The following PCDHGA4 variants were observed in gnomAD, a reference collection of about 807,000 sequenced individuals.
The protein encoded by PCDHGA4 is protocadherin gamma subfamily A, 4, also known as protocadherin gamma-A4.
In PCDHGA4, 38 loss-of-function variants were observed where a neutral mutation model predicts 54.6. The observed-to-expected ratio is 0.70, with a 90% confidence interval of 0.54 to 0.91. PCDHGA4 has a LOEUF of 0.91. PCDHGA4 is among the 40% of genes least tolerant of loss of function. PCDHGA4 has a pLI of 0.00. For synonymous variants in PCDHGA4, 511 were observed against 512.9 expected (o/e 1.00, Z 0.05); for missense variants, 1,298 against 1,220.9 (o/e 1.06, Z -0.94).
chr5:141,402,357 G>C (rs1486286220), intron 1 of PCDHGA4, among the ~76,000 whole-genome samples: 1 of 151,812 alleles, frequency 6.6e-6, no homozygotes, highest in Non-Finnish European at 1.5e-5. Flanking sequence ...AAAAATGAAT[G>C]TACTTCCAAA....
Position 141,432,911 on chromosome 5 carries a change from C to G in PCDHGA4, c.2515-61896C>G. 5 of 1,614,176 alleles carry G rather than the reference C, an allele frequency of 3.1e-6. No homozygotes were observed. Among genetic ancestry groups the G allele is most frequent in the Non-Finnish European group, 4.2e-6 (5 of 1,180,014 alleles). Reference sequence around the variant, plus strand: ...CTTGCTGCTGGCGCTCAGGCTGCGGCGCTGGCACAAGTCACGCCTGCTGCA... The same window carrying G: ...CTTGCTGCTGGCGCTCAGGCTGCGGGGCTGGCACAAGTCACGCCTGCTGCA... On this transcript the variant is annotated intron_variant, in intron 1 of 3. Transcript: ENST00000571252. This position sits in a 1 kb window ranked among gnomAD's most constrained non-coding sequence, Gnocchi z 6.0.
intron 1 of PCDHGA4, among the ~76,000 whole-genome samples, chr5:141,459,307 A>G (rs1175102009): frequency 6.6e-6 from 1 of 152,198 alleles, no homozygotes; most frequent in Non-Finnish European, 1.5e-5. Context: ...AACATATACT[A>G]TTTTGTATCC....
At chr5:141,418,343 A>G in intron 1 of PCDHGA4, 1 of 1,614,010 alleles carries the variant, frequency 6.2e-7, no homozygotes, top group Non-Finnish European at 8.5e-7. Flanking sequence ...AGATCCTGAT[A>G]TTAGTATGAA....
At chr5:141,498,137 G>T (rs1319960274) in intron 2 of PCDHGA4, among the ~76,000 whole-genome samples, 1 of 152,204 alleles carries the variant, frequency 6.6e-6, no homozygotes, top group Non-Finnish European at 1.5e-5. Context: ...GGAGCAGGAG[G>T]ACATCCTGGA....
rs760017836 is a variant in PCDHGA4, at chr5:141,432,060, C to G, written c.2515-62747C>G. 1.2e-6 allele frequency: 2 copies of G among 1,614,200 alleles called. No homozygotes were observed. The highest frequency in any genetic ancestry group is 1.7e-6 in the Non-Finnish European group (2 of 1,180,048). ...GACCGGGGAACCCCGCCCCTATCCACGGAAACTCATATCTCGCTGAACGTG... is the reference window on the plus strand; with the variant it reads ...GACCGGGGAACCCCGCCCCTATCCAGGGAAACTCATATCTCGCTGAACGTG... On this transcript the variant is annotated intron_variant, in intron 1 of 3. Coordinates refer to ENST00000571252, the MANE Select transcript of PCDHGA4 (RefSeq NM_018917.4). The surrounding 1 kb of genome is among the most constrained non-coding windows in gnomAD (Gnocchi z 6.0).
rs17097294 is a variant in PCDHGA4 at position 141,425,513 on chromosome 5, T to G, written c.2514+67892T>G. On this transcript the variant is annotated intron_variant, in intron 1 of 3. Coordinates refer to ENST00000571252, the MANE Select transcript of PCDHGA4 (RefSeq NM_018917.4). ...AGGCTATACCTTTATATTCTCTTTA[T>G]GATGAAACATGAAACAATAATCCTT... Among the ~76,000 whole-genome samples, 699 of 152,380 alleles carry G rather than the reference T, an allele frequency of 4.6e-3. 4 individuals carry two copies. The highest frequency in any genetic ancestry group is 0.015 in the African/African-American group (636 of 41,592).
intron 1 of PCDHGA4, chr5:141,403,394 C>A: frequency 6.2e-7 from 1 of 1,614,054 alleles, no homozygotes; most frequent in South Asian, 1.1e-5. Flanking sequence ...AATCGCGGTT[C>A]CTGGAGCACG....
At chr5:141,498,803 C>T (rs916966107) in intron 2 of PCDHGA4, among the ~76,000 whole-genome samples, 5 of 151,982 alleles carry the variant, frequency 3.3e-5, no homozygotes, top group African/African-American at 1.2e-4. Flanking sequence ...TGTGGTGGTG[C>T]ACACCTGTAG....
intron 1 of PCDHGA4, chr5:141,415,551 C>A (rs745641887): frequency 5.6e-6 from 9 of 1,614,014 alleles, no homozygotes; most frequent in Non-Finnish European, 7.6e-6. Context: ...GTGAGAAAAA[C>A]GATCCTTTGT....
chr5:141,370,525 G>A, intron 1 of PCDHGA4: 2 of 1,613,874 alleles, frequency 1.2e-6, no homozygotes, highest in South Asian at 1.1e-5. Context: ...CTGGACAGGG[G>A]CTCGCTGGTA....
At position 141,421,347 on chromosome 5, in the gene PCDHGA4, C is replaced by T. The variant is rs147068995; in HGVS notation, c.2514+63726C>T. 359 of 1,613,948 alleles carry T rather than the reference C, an allele frequency of 2.2e-4. 2 individuals carry two copies. In the East Asian group the frequency reaches 6.5e-3, roughly 29 times the overall value. On this transcript the variant is annotated intron_variant, in intron 1 of 3. Coordinates refer to ENST00000571252, the MANE Select transcript of PCDHGA4 (RefSeq NM_018917.4). ...TCCGATATTCGGTGCCAGAAGAGAC[C>T]GAAAAGGGCTCCTTCGTGGGCAATA...
chr5:141,405,351 C>G, intron 1 of PCDHGA4: 1 of 1,614,080 alleles, frequency 6.2e-7, no homozygotes, highest in Non-Finnish European at 8.5e-7. Flanking sequence ...TCCAAGTTTC[C>G]TATAGAAGAC....
chr5:141,365,520 C>G (rs749868232), intron 1 of PCDHGA4: 1 of 1,613,828 alleles, frequency 6.2e-7, no homozygotes, highest in East Asian at 2.2e-5. Context: ...TTGGAGAAGT[C>G]AGTTGATAAT....
rs1460703461 is a variant in PCDHGA4 at position 141,490,596 on chromosome 5, C to G, written c.2515-4211C>G. 2.5e-6 allele frequency: 4 copies of G among 1,614,052 alleles called. No homozygotes were observed. The African/African-American group carries it at 4.0e-5, about 16-fold the overall frequency. On this transcript the variant is annotated intron_variant, in intron 1 of 3. Transcript: ENST00000571252. The surrounding 1 kb of genome is among the most constrained non-coding windows in gnomAD (Gnocchi z 5.4). Reference sequence around the variant, plus strand: ...TTTCAGATGTCAATGACAATGCACCCCGCTTCAACCAGCAGCTTTACACTG... The same window carrying G: ...TTTCAGATGTCAATGACAATGCACCGCGCTTCAACCAGCAGCTTTACACTG...
In PCDHGA4 at chr5:141,432,897, C is replaced by A. The variant is rs780142081; in HGVS notation, c.2515-61910C>A. 1.2e-6 allele frequency: 2 copies of A among 1,614,178 alleles called. No individual in the cohort carries two copies. Among genetic ancestry groups the A allele is most frequent in the Non-Finnish European group, 1.7e-6 (2 of 1,180,010 alleles). On this transcript the variant is annotated intron_variant, in intron 1 of 3. Coordinates refer to ENST00000571252, the MANE Select transcript of PCDHGA4 (RefSeq NM_018917.4). The surrounding 1 kb of genome is among the most constrained non-coding windows in gnomAD (Gnocchi z 6.0). ...CTGGCCTTCGTCATCTTGCTGCTGGCGCTCAGGCTGCGGCGCTGGCACAAG... is the reference window on the plus strand; with the variant it reads ...CTGGCCTTCGTCATCTTGCTGCTGGAGCTCAGGCTGCGGCGCTGGCACAAG...
chr5:141,439,673 C>G (rs1468476569), intron 1 of PCDHGA4, among the ~76,000 whole-genome samples: 1 of 152,174 alleles, frequency 6.6e-6, no homozygotes, highest in Non-Finnish European at 1.5e-5. Flanking sequence ...AATGCAAATC[C>G]AAGAGCAGAC....
chr5:141,481,260 A>C (rs2099534771), intron 1 of PCDHGA4, among the ~76,000 whole-genome samples: 1 of 152,166 alleles, frequency 6.6e-6, no homozygotes, highest in Non-Finnish European at 1.5e-5. Context: ...CTAAAAGATC[A>C]CTGTAGGAAG....
At position 141,476,760 on chromosome 5, in the gene PCDHGA4, C is replaced by A; in HGVS notation, c.2515-18047C>A. The A allele has an allele frequency of 6.2e-7, 1 of 1,613,824 alleles. No homozygotes were observed. Among genetic ancestry groups the A allele is most frequent in the Non-Finnish European group, 8.5e-7 (1 of 1,180,010 alleles). On this transcript the variant is annotated intron_variant, in intron 1 of 3. Coordinates refer to ENST00000571252, the MANE Select transcript of PCDHGA4 (RefSeq NM_018917.4). This position sits in a 1 kb window ranked among gnomAD's most constrained non-coding sequence, Gnocchi z 7.6. ...GAGCCTAGTCTCCAGTTAGTGCTGA[C>A]GGCGTTGGACGGAGGGACCCCAGCT...
At position 141,398,135 on chromosome 5, in the gene PCDHGA4, G is replaced by A. The variant is rs771670845; in HGVS notation, c.2514+40514G>A. ...CTGAGGAGAGCAAGAGGGATGGGGAGCGGCGCCGGGGAGCTGGGCCGGGCT... is the reference window on the plus strand; with the variant it reads ...CTGAGGAGAGCAAGAGGGATGGGGAACGGCGCCGGGGAGCTGGGCCGGGCT... On this transcript the variant is annotated intron_variant, in intron 1 of 3. Transcript: ENST00000571252. 4 of 1,556,792 alleles carry A rather than the reference G, an allele frequency of 2.6e-6. No individual in the cohort carries two copies. Among genetic ancestry groups the A allele is most frequent in the Non-Finnish European group, 3.5e-6 (4 of 1,157,318 alleles).
Sources: allele counts gnomAD v4.1 joint callset (sites outside exome capture counted in the v4.1 genomes callset), GRCh38; gene constraint gnomAD v4.1.1; non-coding constraint Gnocchi (gnomAD v3.1); transcripts MANE v1.5; gene names NCBI Gene and HGNC (gene_info 2026-07-23, HGNC 2026-07-21).